Variants in APLF observed in about 807,000 individuals in gnomAD.
The protein encoded by APLF is aprataxin and PNKP like factor.
Under a neutral mutation model 55.6 loss-of-function variants are expected in APLF, and 61 were observed. The ratio of observed to expected loss-of-function variants is 1.10; its 90% CI spans 0.89 to 1.36. The LOEUF (loss-of-function observed/expected upper bound fraction) is 1.36. Ranked by LOEUF, APLF falls within the 40% of genes most tolerant of loss-of-function variation. The pLI is 0.00. For missense variants in APLF, 611 were observed against 602.5 expected, an observed-to-expected ratio of 1.01 and a Z score of -0.15; for synonymous variants, 207 against 214.8, an observed-to-expected ratio of 0.96 and a Z score of 0.32.
At chr2:68,534,905 C>A (rs1206329843) in intron 6 of APLF, among the ~76,000 whole-genome samples, 1 of 152,154 alleles carries the variant, frequency 6.6e-6, no homozygotes, top group African/African-American at 2.4e-5. Context: ...AGCAAACTTA[C>A]AAATTACTGC....
At chr2:68,470,970 C>G (rs1675599276) in intron 1 of APLF, among the ~76,000 whole-genome samples, 1 of 152,236 alleles carries the variant, frequency 6.6e-6, no homozygotes, top group Non-Finnish European at 1.5e-5. Context: ...CTTTTAACTG[C>G]TTGTTGCAGA....
intron 2 of APLF, among the ~76,000 whole-genome samples, chr2:68,492,616 G>A (rs1397142662): frequency 6.6e-6 from 1 of 152,104 alleles, no homozygotes; most frequent in African/African-American, 2.4e-5. Flanking sequence ...TGAGATTTTA[G>A]CAGTGTTCAG....
Position 68,580,042 on chromosome 2 carries a change from T to C in APLF, c.*2020T>C. 1 of 911,174 alleles carries C rather than the reference T, an allele frequency of 1.1e-6. No homozygotes were observed. Among genetic ancestry groups the C allele is most frequent in the African/African-American group, 1.8e-5 (1 of 55,816 alleles). 56.4% of individuals were successfully genotyped at this position (911,174 alleles called of 1,614,324 possible). ...ATTTAATATCAAAGGATATTCTTCG[T>C]AGTAATGTAATAGTTCATGGTAGCT... On this transcript the variant is annotated 3_prime_UTR_variant, in exon 10 of 10. Transcript: ENST00000303795.
chr2:68,498,880 T>A (rs142920287), intron 2 of APLF, among the ~76,000 whole-genome samples: 21 of 152,322 alleles, frequency 1.4e-4, no homozygotes, highest in African/African-American at 5.0e-4. Flanking sequence ...AAAATATACG[T>A]CTTTGGGTGG....
Position 68,526,258 on chromosome 2 carries a change from T to A in APLF, c.804+16T>A. 6.3e-7 allele frequency: 1 copy of A among 1,594,390 alleles called. No homozygotes were observed. The highest frequency in any genetic ancestry group is 8.5e-7 in the Non-Finnish European group (1 of 1,171,674). On this transcript the variant is annotated intron_variant, in intron 6 of 9. Coordinates refer to ENST00000303795, the MANE Select transcript of APLF (RefSeq NM_173545.3). ...TTCATCCAAGGTGATTTTAAAAAAT[T>A]CATTATTTGATTGTTTTTTTGTTAG...
At chr2:68,556,378 A>G (rs1346098194) in intron 8 of APLF, among the ~76,000 whole-genome samples, 1 of 152,238 alleles carries the variant, frequency 6.6e-6, no homozygotes, top group Non-Finnish European at 1.5e-5. Context: ...AAAAAAAGGT[A>G]TCTTGCCTGT....
chr2:68,576,707 C>T (rs1671635127), intron 9 of APLF, among the ~76,000 whole-genome samples: 1 of 152,002 alleles, frequency 6.6e-6, no homozygotes, highest in South Asian at 2.1e-4. Context: ...TACATTACTT[C>T]CTTTGTCATT....
At chr2:68,495,744 A>G (rs1676525312) in intron 2 of APLF, among the ~76,000 whole-genome samples, 1 of 152,190 alleles carries the variant, frequency 6.6e-6, no homozygotes, top group South Asian at 2.1e-4. Context: ...AGGCTTTTCC[A>G]TGCATCCTCT....
chr2:68,497,822 A>G (rs553258919), intron 2 of APLF, among the ~76,000 whole-genome samples: 1 of 152,192 alleles, frequency 6.6e-6, no homozygotes, highest in Non-Finnish European at 1.5e-5. Flanking sequence ...TCCAAGCTAT[A>G]TCAGGAGTGC....
At chr2:68,559,882 A>G (rs570049208) in intron 8 of APLF, among the ~76,000 whole-genome samples, 16 of 152,246 alleles carry the variant, frequency 1.1e-4, no homozygotes, top group African/African-American at 3.4e-4. Flanking sequence ...GTGGCTTCCT[A>G]TAACAAACTG....
chr2:68,516,962 AATAAT>A lies in APLF; in HGVS notation c.622+3298_622+3302del, dbSNP rs1378673799. 6.6e-3 allele frequency among the ~76,000 whole-genome samples: 835 copies of A among 125,574 alleles called. 2 individuals are homozygous for A. Among genetic ancestry groups the A allele is most frequent in the Non-Finnish European group, 0.011 (669 of 63,542 alleles). 82.4% of individuals were successfully genotyped at this position (125,574 alleles called of 152,430 possible). On this transcript the variant is annotated intron_variant, in intron 5 of 9. Coordinates refer to ENST00000303795, the MANE Select transcript of APLF (RefSeq NM_173545.3). Reference sequence around the variant, plus strand: ...ATATAATATATATAATATAATATATAATAATATAATATAATATAATTATATATAAT... The same window carrying A: ...ATATAATATATATAATATAATATATAATAATATAATATAATTATATATAAT...
At chr2:68,539,180 G>A (rs1670483379) in intron 7 of APLF, among the ~76,000 whole-genome samples, 1 of 152,136 alleles carries the variant, frequency 6.6e-6, no homozygotes, top group South Asian at 2.1e-4. Context: ...AATGGCTTTA[G>A]TTCCACATCT....
At chr2:68,511,988 A>G (rs1314411038) in intron 3 of APLF, among the ~76,000 whole-genome samples, 1 of 151,758 alleles carries the variant, frequency 6.6e-6, no homozygotes, top group Non-Finnish European at 1.5e-5. Context: ...GGTTAATTAG[A>G]CTTTTCTCAG....
At chr2:68,516,753 C>A (rs569146502) in intron 5 of APLF, among the ~76,000 whole-genome samples, 3 of 148,138 alleles carry the variant, frequency 2.0e-5, no homozygotes, top group African/African-American at 7.4e-5. Context: ...CAGGTTGCTG[C>A]GAGTGCCATT....
chr2:68,512,102 A>G (rs1037497063), intron 3 of APLF, among the ~76,000 whole-genome samples: 66 of 151,730 alleles, frequency 4.3e-4, no homozygotes, highest in African/African-American at 1.5e-3. Flanking sequence ...TGTGCAATTC[A>G]ATGCACTAAA....
intron 1 of APLF, among the ~76,000 whole-genome samples, chr2:68,478,520 C>G (rs4130848): frequency 0.16 from 23,770 of 152,044 alleles, 4,159 homozygotes; most frequent in African/African-American, 0.44. Context: ...ATCTAAAGCT[C>G]GAGAATTTAA....
chr2:68,501,531 G>A (rs531443467), intron 2 of APLF, among the ~76,000 whole-genome samples: 2 of 151,956 alleles, frequency 1.3e-5, no homozygotes, highest in South Asian at 2.1e-4. Context: ...ATGCCTATTT[G>A]ACTTATGGAA....
intron 8 of APLF, among the ~76,000 whole-genome samples, chr2:68,560,508 T>C (rs1010442525): frequency 2.6e-5 from 4 of 152,170 alleles, no homozygotes; most frequent in Non-Finnish European, 4.4e-5. Flanking sequence ...AACTACTATG[T>C]TCCTTACAGT....
At chr2:68,516,226 T>C (rs894220150) in intron 5 of APLF, among the ~76,000 whole-genome samples, 1 of 151,584 alleles carries the variant, frequency 6.6e-6, no homozygotes, top group Non-Finnish European at 1.5e-5. Context: ...TTAAAGCCCA[T>C]GTACTAAGGC....
Sources: gnomAD v4.1 joint callset for allele counts (sites outside exome capture counted in the v4.1 genomes callset) on GRCh38, gnomAD v4.1.1 for gene constraint, MANE v1.5 for transcripts, NCBI Gene and HGNC (gene_info 2026-07-23, HGNC 2026-07-21) for gene names.